Variants in GPR149 observed in about 807,000 individuals in gnomAD.
The protein encoded by GPR149 is G protein-coupled receptor 149, also known as probable G protein-coupled receptor 149.
GPR149 carries 50 observed loss-of-function variants against 50.2 expected under a neutral mutation model. That is an observed-to-expected ratio of 1.00 (90% confidence interval 0.79 to 1.26). The LOEUF (loss-of-function observed/expected upper bound fraction) is 1.26, where lower values mean the gene tolerates loss of function less well. Among genes scored for constraint, GPR149 ranks in the 50% most tolerant of loss-of-function variants. The probability of loss-of-function intolerance (pLI) is 0.00; values close to 1 mark genes in which losing one functional copy is unlikely to be tolerated. For synonymous variants in GPR149, 405 were observed against 358.2 expected (o/e 1.13, Z -1.48); for missense variants, 983 against 895.4 (o/e 1.10, Z -1.25).
intron 3 of GPR149, chr3:154,352,731 G>A (rs185397177): frequency 1.8e-5 from 14 of 787,364 alleles, no homozygotes; most frequent in South Asian, 5.4e-5. Context: ...CATAAGAAAC[G>A]GAAGTCAGAA....
chr3:154,397,278 A>G (rs1715315154), intron 3 of GPR149, among the ~76,000 whole-genome samples: 1 of 152,162 alleles, frequency 6.6e-6, no homozygotes, highest in Non-Finnish European at 1.5e-5. Context: ...AGTCTAAGAG[A>G]GGGCAGAGAG....
intron 3 of GPR149, among the ~76,000 whole-genome samples, chr3:154,404,940 T>C (rs1354733573): frequency 6.6e-6 from 1 of 152,190 alleles, no homozygotes; most frequent in Non-Finnish European, 1.5e-5. Context: ...TCTTTCTTAA[T>C]AGGAAAACAT....
At chr3:154,394,352 G>T (rs1247267511) in intron 3 of GPR149, among the ~76,000 whole-genome samples, 5 of 152,020 alleles carry the variant, frequency 3.3e-5, no homozygotes, top group Non-Finnish European at 7.4e-5. Flanking sequence ...TGGGAAAATT[G>T]CACATCCACA....
At chr3:154,401,546 A>T (rs1711548448) in intron 3 of GPR149, among the ~76,000 whole-genome samples, 1 of 152,234 alleles carries the variant, frequency 6.6e-6, no homozygotes, top group South Asian at 2.1e-4. Flanking sequence ...GAAGAGTTGG[A>T]TACCTAAGGA....
intron 3 of GPR149, among the ~76,000 whole-genome samples, chr3:154,342,059 T>A (rs886460188): frequency 2.0e-5 from 3 of 152,208 alleles, no homozygotes; most frequent in Non-Finnish European, 4.4e-5. Flanking sequence ...GCAAAAATTT[T>A]AAAAAATTCT....
intron 3 of GPR149, among the ~76,000 whole-genome samples, chr3:154,356,241 T>C (rs975769387): frequency 2.0e-5 from 3 of 152,142 alleles, no homozygotes; most frequent in African/African-American, 7.2e-5. Flanking sequence ...AAGACATACC[T>C]GAGACTGGAT....
Position 154,421,412 on chromosome 3 carries a change from T to C in GPR149, c.1250A>G (p.Tyr417Cys). The C allele has an allele frequency of 6.2e-7, 1 of 1,609,770 alleles. No homozygotes were observed. Among genetic ancestry groups the C allele is most frequent in the Middle Eastern group, 1.7e-4 (1 of 6,046 alleles). ...YGIYKIAHED[Y>C]YDDDENSIFY... ...TATGGAATTTTCATCATCATCATAGTAATCTTCATGTGCTATTTTATAAAT... is the reference window on the plus strand; with the variant it reads ...TATGGAATTTTCATCATCATCATAGCAATCTTCATGTGCTATTTTATAAAT... The change falls in exon 3 of 4, where the codon TAC becomes TGC. Residue 417 changes from tyrosine (Y) to cysteine (C), a missense_variant. Coordinates refer to ENST00000389740, the MANE Select transcript of GPR149 (RefSeq NM_001038705.3).
intron 3 of GPR149, among the ~76,000 whole-genome samples, chr3:154,418,810 TATA>T (rs969114002): frequency 1.3e-5 from 2 of 151,550 alleles, no homozygotes; most frequent in Admixed American, 6.6e-5. Context: ...AAACTTAAAG[TATA>T]ATAATAATAA....
At position 154,352,217 on chromosome 3, in the gene GPR149, T is replaced by G. The variant is rs112078882; in HGVS notation, c.1624-13946A>C. ...ATCTTCTACCATCTTGTCGACTTCC[T>G]GAGTGACTCCCTTGTCGACTCTGTC... On this transcript the variant is annotated intron_variant, in intron 3 of 3. Coordinates refer to ENST00000389740, the MANE Select transcript of GPR149 (RefSeq NM_001038705.3). The G allele has an allele frequency of 4.5e-5, 40 of 897,678 alleles. No homozygotes were observed. In the African/African-American group the frequency reaches 6.3e-4, roughly 14 times the overall value. The allele number at this position is 897,678 out of a possible 1,614,324, so 55.6% of individuals were successfully genotyped here. A position where few individuals can be genotyped will look rare whatever the true frequency, so the allele number is the denominator to read the frequency against.
chr3:154,375,884 T>G lies in GPR149; in HGVS notation c.1624-37613A>C, dbSNP rs575928902. Among the ~76,000 whole-genome samples, 9 of 152,340 alleles carry G rather than the reference T, an allele frequency of 5.9e-5. No homozygotes were observed. In the East Asian group the frequency reaches 1.2e-3, roughly 20 times the overall value. ...CCATAGAAAACACAAATTTGCTCCC[T>G]GTTTTAGCTGGAACATCCATCTTTC... On this transcript the variant is annotated intron_variant, in intron 3 of 3. Coordinates refer to ENST00000389740, the MANE Select transcript of GPR149 (RefSeq NM_001038705.3).
chr3:154,369,249 A>T lies in GPR149; in HGVS notation c.1624-30978T>A, dbSNP rs182287514. 7.3e-3 allele frequency among the ~76,000 whole-genome samples: 1,113 copies of T among 152,194 alleles called. 6 individuals are homozygous for T. Among genetic ancestry groups the T allele is most frequent in the South Asian group, 0.027 (128 of 4,808 alleles). ...TGAAACCTTAAAAAAGAAGCGGCTG[A>T]TTTTCTTCTGTACCACTGCCTTGCC... On this transcript the variant is annotated intron_variant, in intron 3 of 3. Coordinates refer to ENST00000389740, the MANE Select transcript of GPR149 (RefSeq NM_001038705.3).
intron 3 of GPR149, among the ~76,000 whole-genome samples, chr3:154,375,077 C>T (rs1714760238): frequency 6.6e-6 from 1 of 152,132 alleles, no homozygotes; most frequent in Non-Finnish European, 1.5e-5. Context: ...AAAGTGTTTA[C>T]CCAAGAGCCA....
chr3:154,351,781 G>A (rs1359325189), intron 3 of GPR149, among the ~76,000 whole-genome samples: 2 of 152,146 alleles, frequency 1.3e-5, no homozygotes, highest in Non-Finnish European at 2.9e-5. Flanking sequence ...TCACAATTAA[G>A]AGAAGTAGAG....
rs1487395814 is a variant in GPR149, at chr3:154,377,017, A to C, written c.1624-38746T>G. ...ACTGTATACTTCAAAAATATTAGCT[A>C]TTAGTGTTAGCACTGGTAGCCCTGA... is the stretch of plus-strand genomic sequence containing the variant. On this transcript the variant is annotated intron_variant, in intron 3 of 3. Coordinates refer to ENST00000389740, the MANE Select transcript of GPR149 (RefSeq NM_001038705.3). Among the ~76,000 whole-genome samples, 4 of 151,168 alleles carry C rather than the reference A, an allele frequency of 2.6e-5. No homozygotes were observed. The Admixed American group carries it at 2.6e-4, about 10-fold the overall frequency.
chr3:154,402,049 A>AAAGCACT (rs1028156573), intron 3 of GPR149, among the ~76,000 whole-genome samples: 1 of 152,194 alleles, frequency 6.6e-6, no homozygotes, highest in Admixed American at 6.5e-5. Flanking sequence ...AATGAATCTT[A>AAAGCACT]AAGCACTAAG....
chr3:154,384,631 C>T (rs912547407), intron 3 of GPR149, among the ~76,000 whole-genome samples: 12 of 152,150 alleles, frequency 7.9e-5, no homozygotes, highest in Admixed American at 2.6e-4. Flanking sequence ...TCTCAAATGC[C>T]TCATTTTTCA....
chr3:154,391,863 T>C (rs2108412895), intron 3 of GPR149, among the ~76,000 whole-genome samples: 1 of 151,884 alleles, frequency 6.6e-6, no homozygotes, highest in Middle Eastern at 3.4e-3. Context: ...AAAGAAAGAC[T>C]GGCTATACTT....
rs1370256531 is a variant in GPR149 at position 154,429,068 on chromosome 3, A to AG, written c.547dup (p.Leu183ProfsTer104). The AG allele has an allele frequency of 1.2e-6, 2 of 1,613,684 alleles. No individual in the cohort carries two copies. The highest frequency in any genetic ancestry group is 1.7e-6 in the Non-Finnish European group (2 of 1,179,962). ...TACGTAGGAGCTGGAGCAGTCCACC[A>AG]GGCAGCCCCAGGGCGTGCGCACGAA... On this transcript the variant is annotated frameshift_variant, in exon 1 of 4. Coordinates refer to ENST00000389740, the MANE Select transcript of GPR149 (RefSeq NM_001038705.3). LOFTEE classifies it high-confidence loss of function.
At chr3:154,426,283 G>T (rs1291277396) in intron 2 of GPR149, among the ~76,000 whole-genome samples, 1 of 152,078 alleles carries the variant, frequency 6.6e-6, no homozygotes, top group Non-Finnish European at 1.5e-5. Context: ...CTGGTAATTT[G>T]AAAAATATCT....
Sources: allele counts gnomAD v4.1 joint callset (sites outside exome capture counted in the v4.1 genomes callset), GRCh38; gene constraint gnomAD v4.1.1; transcripts MANE v1.5; gene names NCBI Gene and HGNC (gene_info 2026-07-23, HGNC 2026-07-21).